Variants in ABL1 observed in about 807,000 individuals in gnomAD.
ABL1 encodes tyrosine-protein kinase ABL1.
ABL1 carries 11 observed loss-of-function variants against 94.7 expected under a neutral mutation model. The observed-to-expected ratio is 0.12, with a 90% CI of 0.07 to 0.19. ABL1 has a LOEUF of 0.19. ABL1 is among the 10% of genes least tolerant of loss of function. The pLI, the probability that ABL1 is intolerant of heterozygous loss-of-function variation, is 1.00. For synonymous variants in ABL1, 656 were observed against 622.4 expected, an observed-to-expected ratio of 1.05 and a Z score of -0.80; for missense variants, 1,082 against 1,489.4, an observed-to-expected ratio of 0.73 and a Z score of 4.50.
chr9:130,730,859 A>AC (rs1408290269), intron 1 of ABL1, among the ~76,000 whole-genome samples: 1 of 152,010 alleles, frequency 6.6e-6, no homozygotes, highest in African/African-American at 2.4e-5. Flanking sequence ...GGTGTGAGCT[A>AC]CCGTGCCTAG....
At chr9:130,799,423 C>T (rs1830026269) in intron 1 of ABL1, among the ~76,000 whole-genome samples, 1 of 152,134 alleles carries the variant, frequency 6.6e-6, no homozygotes, top group African/African-American at 2.4e-5. Flanking sequence ...TAATCCATGT[C>T]CAATAACCCA....
At chr9:130,776,840 T>C (rs993759359) in intron 1 of ABL1, among the ~76,000 whole-genome samples, 4 of 152,134 alleles carry the variant, frequency 2.6e-5, no homozygotes, top group African/African-American at 9.7e-5. Context: ...GATCCTTCTG[T>C]CGCGGCCTCC....
chr9:130,742,570 G>T (rs1831833386), intron 1 of ABL1, among the ~76,000 whole-genome samples: 1 of 152,186 alleles, frequency 6.6e-6, no homozygotes, highest in South Asian at 2.1e-4. Flanking sequence ...TAATGCTTTG[G>T]TAACTTTGGT....
upstream of ABL1, among the ~76,000 whole-genome samples, chr9:130,832,927 A>G (rs1427333615): frequency 1.3e-5 from 2 of 152,210 alleles, no homozygotes; most frequent in African/African-American, 4.8e-5. Context: ...CAGTTTTTTC[A>G]GTATCCATTG....
chr9:130,865,450 T>C (rs929541692), intron 4 of ABL1, among the ~76,000 whole-genome samples: 1 of 152,240 alleles, frequency 6.6e-6, no homozygotes, highest in Non-Finnish European at 1.5e-5. Flanking sequence ...TTACCTTTGC[T>C]ATAGAAGCTG....
At chr9:130,810,460 C>A (rs140981331) in intron 1 of ABL1, among the ~76,000 whole-genome samples, 2 of 152,130 alleles carry the variant, frequency 1.3e-5, no homozygotes, top group South Asian at 4.1e-4. Context: ...CGTACCACTG[C>A]ACTCCAACCT....
upstream of ABL1, among the ~76,000 whole-genome samples, chr9:130,831,883 C>T (rs1370879209): frequency 1.3e-5 from 2 of 152,164 alleles, no homozygotes; most frequent in Non-Finnish European, 2.9e-5. Flanking sequence ...GCTGGGATTA[C>T]AGGCGTGAGC....
chr9:130,878,687 C>G, intron 8 of ABL1, 120 bp downstream of exon 8: 2 of 1,223,678 alleles, frequency 1.6e-6, no homozygotes, highest in Non-Finnish European at 2.3e-6. Context: ...TCCAGTTCTT[C>G]AGATGCAGCT....
rs958137578 is a variant in ABL1 at position 130,883,264 on chromosome 9, A to G, written c.1679-705A>G. ...TGTAATCCCAGCACTTTGGGAGGCC[A>G]AGGCGGGTGGATCACCTGAGGTCAG... is the stretch of plus-strand genomic sequence containing the variant. On this transcript the variant is annotated intron_variant, in intron 10 of 10. Transcript: ENST00000318560. 7.9e-5 allele frequency among the ~76,000 whole-genome samples: 12 copies of G among 152,276 alleles called. 1 individual carries two copies. Among genetic ancestry groups the G allele is most frequent in the East Asian group, 1.9e-4 (1 of 5,168 alleles).
Position 130,874,961 on chromosome 9 carries a change from C to T in ABL1, c.1179C>T (p.Tyr393=). The T allele has an allele frequency of 6.2e-7, 1 of 1,614,190 alleles. No homozygotes were observed. Among genetic ancestry groups the T allele is most frequent in the Non-Finnish European group, 8.5e-7 (1 of 1,180,046 alleles). ...GLSRLMTGDT[Y]TAHAGAKFPI... ...GCAGGTTGATGACAGGGGACACCTA[C>T]ACAGCCCATGCTGGAGCCAAGTTCC... Residue 393 remains tyrosine (Y), a synonymous_variant, in exon 7 of 11, where the codon TAC becomes TAT. Transcript: ENST00000318560.
rs1212793894 is a variant in ABL1, at chr9:130,863,107, G to C, written c.822+72G>C. 6.8e-7 allele frequency: 1 copy of C among 1,471,834 alleles called. No homozygotes were observed. The highest frequency in any genetic ancestry group is 9.1e-7 in the Non-Finnish European group (1 of 1,104,440). The allele number at this position is 1,471,834 out of a possible 1,614,324, so 91.2% of individuals were successfully genotyped here. A position where few individuals can be genotyped will look rare whatever the true frequency, so the allele number is the denominator to read the frequency against. On this transcript the variant is annotated intron_variant, in intron 4 of 10. Transcript: ENST00000318560. This position sits in a 1 kb window ranked among gnomAD's most constrained non-coding sequence, Gnocchi z 4.3. Reference sequence around the variant, plus strand: ...TCTGCTGGCATTAGGCGATGCATCTGCCTGGAAGTCTACCTCCTGCCTGCT... The same window carrying C: ...TCTGCTGGCATTAGGCGATGCATCTCCCTGGAAGTCTACCTCCTGCCTGCT...
At chr9:130,725,419 T>G (rs1204823127) in intron 1 of ABL1, among the ~76,000 whole-genome samples, 1 of 152,120 alleles carries the variant, frequency 6.6e-6, no homozygotes, top group Non-Finnish European at 1.5e-5. Flanking sequence ...TTGCTCTTGT[T>G]GCCCAGGCTG....
chr9:130,872,930 C>T lies in ABL1; in HGVS notation c.978C>T (p.Tyr326=). Residue 326 remains tyrosine, a synonymous_variant, in exon 6 of 11, where the codon TAC becomes TAT. Transcript: ENST00000318560. This position sits in a 1 kb window ranked among gnomAD's most constrained non-coding sequence, Gnocchi z 5.0. The part of the protein sequence containing the change: ...EFMTYGNLLD[Y]LRECNRQEVN... Reference sequence around the variant, plus strand: ...TGACCTACGGGAACCTCCTGGACTACCTGAGGGAGTGCAACCGGCAGGAGG... The same window carrying T: ...TGACCTACGGGAACCTCCTGGACTATCTGAGGGAGTGCAACCGGCAGGAGG... 1 of 1,614,184 alleles carries T rather than the reference C, an allele frequency of 6.2e-7. No individual in the cohort carries two copies. The highest frequency in any genetic ancestry group is 8.5e-7 in the Non-Finnish European group (1 of 1,180,034).
At chr9:130,743,249 T>G (rs569914303) in intron 1 of ABL1, among the ~76,000 whole-genome samples, 1 of 152,282 alleles carries the variant, frequency 6.6e-6, no homozygotes, top group South Asian at 2.1e-4. Context: ...ATTTTTGTAT[T>G]GTTAGTAGAG....
intron 1 of ABL1, among the ~76,000 whole-genome samples, chr9:130,757,390 G>C (rs970432193): frequency 6.6e-6 from 1 of 152,024 alleles, no homozygotes; most frequent in African/African-American, 2.4e-5. Context: ...ATGAAACCTG[G>C]TCCCTGTAAA....
At chr9:130,843,385 TC>T (rs1830708121) in intron 1 of ABL1, among the ~76,000 whole-genome samples, 1 of 152,162 alleles carries the variant, frequency 6.6e-6, no homozygotes. Flanking sequence ...CATGCAGGAT[TC>T]ATTGAGCCCT....
chr9:130,836,492 CA>C (rs1206089439), intron 1 of ABL1, among the ~76,000 whole-genome samples: 1 of 152,124 alleles, frequency 6.6e-6, no homozygotes, highest in African/African-American at 2.4e-5. Context: ...GATGGAGTGG[CA>C]CTTGGACTTC....
chr9:130,811,556 A>G (rs2132854723), intron 1 of ABL1, among the ~76,000 whole-genome samples: 1 of 152,278 alleles, frequency 6.6e-6, no homozygotes, highest in East Asian at 1.9e-4. Context: ...GTATAATGTC[A>G]ATTGAAGGTA....
chr9:130,871,380 C>T (rs889899132), intron 4 of ABL1, among the ~76,000 whole-genome samples: 29 of 152,218 alleles, frequency 1.9e-4, no homozygotes, highest in East Asian at 9.6e-4. Context: ...GTAGAAGTCA[C>T]GGCCTGTCTG....
Sources: gnomAD v4.1 joint callset for allele counts (sites outside exome capture counted in the v4.1 genomes callset) on GRCh38, gnomAD v4.1.1 for gene constraint, Gnocchi (gnomAD v3.1) non-coding constraint, MANE v1.5 for transcripts, NCBI Gene and HGNC (gene_info 2026-07-23, HGNC 2026-07-21) for gene names.